The following LIMS2 variants were observed in gnomAD, a reference collection of about 807,000 sequenced individuals.
LIMS2 encodes LIM zinc finger domain containing 2.
A neutral mutation model predicts 45.3 loss-of-function variants in LIMS2; 30 were observed. That is an observed-to-expected ratio of 0.66 (90% CI 0.50 to 0.90). The LOEUF is 0.90. Ranked by LOEUF, LIMS2 falls within the 40% of genes least tolerant of loss-of-function variation. The pLI is 0.00. For missense variants in LIMS2, 485 were observed against 468.7 expected (o/e 1.03, Z -0.32); for synonymous variants, 173 against 188.0 (o/e 0.92, Z 0.65).
At chr2:127,657,706 G>A in intron 1 of LIMS2, 144 bp from the exon 2 acceptor site, 1 of 931,452 alleles carries the variant, frequency 1.1e-6, no homozygotes, top group South Asian at 1.7e-5. Context: ...CTAACCCAGG[G>A]TCCAGGCTGC....
rs35110735 is a variant in LIMS2 at position 127,651,776 on chromosome 2, C to T, written c.359+2648G>A. Reference sequence around the variant, plus strand: ...TGTGAGCGGGGGGCGCCGTCCAGGCCGAGCGCAGACTGTTTAGGACTCAGC... The same window carrying T: ...TGTGAGCGGGGGGCGCCGTCCAGGCTGAGCGCAGACTGTTTAGGACTCAGC... On this transcript the variant is annotated intron_variant, in intron 4 of 9. Coordinates refer to ENST00000355119, the MANE Select transcript of LIMS2 (RefSeq NM_001161403.3). 2.9e-5 allele frequency: 46 copies of T among 1,603,540 alleles called. 1 individual carries two copies. The highest frequency in any genetic ancestry group is 3.4e-4 in the Middle Eastern group (2 of 5,898).
Position 127,675,506 on chromosome 2 carries a change from C to T in LIMS2, c.-482G>A, listed in dbSNP as rs978207594. 6.6e-6 allele frequency among the ~76,000 whole-genome samples: 1 copy of T among 152,010 alleles called. No homozygotes were observed. Among genetic ancestry groups the T allele is most frequent in the Non-Finnish European group, 1.5e-5 (1 of 67,924 alleles). On this transcript the variant is annotated 5_prime_UTR_variant, in exon 1 of 10. Coordinates refer to ENST00000355119, the MANE Select transcript of LIMS2 (RefSeq NM_001161403.3). ...CGGCGGGCGCGGGTCAAGTCCTTCC[C>T]AACCCGGGCTCTGCTCGCCACCTCC...
intron 8 of LIMS2, 23 bp downstream of exon 8, chr2:127,640,247 G>C (rs1269399785): frequency 1.2e-6 from 2 of 1,613,058 alleles, no homozygotes; most frequent in East Asian, 4.5e-5. Flanking sequence ...AGGTGGGGTG[G>C]GGGAGGGAAC....
In LIMS2 at chr2:127,675,185, G is replaced by C; in HGVS notation, c.-161C>G. On this transcript the variant is annotated 5_prime_UTR_variant, in exon 1 of 10. Coordinates refer to ENST00000355119, the MANE Select transcript of LIMS2 (RefSeq NM_001161403.3). ...TCCGCCCGCGAGAGGGGTGGGCGGG[G>C]GTGGCAGGGTGGGGCCCGCGGGGCG... The C allele has an allele frequency of 2.0e-6, 1 of 501,238 alleles. No individual in the cohort carries two copies. Among genetic ancestry groups the C allele is most frequent in the Non-Finnish European group, 3.0e-6 (1 of 328,698 alleles). 31.0% of individuals were successfully genotyped at this position (501,238 alleles called of 1,614,324 possible).
At chr2:127,651,800 G>C in intron 4 of LIMS2, 1 of 1,559,898 alleles carries the variant, frequency 6.4e-7, no homozygotes, top group Non-Finnish European at 8.7e-7. Context: ...TTAGGACTCA[G>C]CAGACCCAGC....
At chr2:127,648,854 G>A (rs1353249308) in intron 4 of LIMS2, among the ~76,000 whole-genome samples, 1 of 150,770 alleles carries the variant, frequency 6.6e-6, no homozygotes, top group African/African-American at 2.4e-5. Context: ...CCTGGAGGTT[G>A]AGGCTGCAGT....
chr2:127,651,388 G>C, intron 4 of LIMS2: 1 of 1,612,762 alleles, frequency 6.2e-7, no homozygotes, highest in Admixed American at 1.7e-5. Context: ...ATCATCCGCA[G>C]CCTGCGGCAG....
At chr2:127,650,313 C>T in intron 4 of LIMS2, 1 of 567,860 alleles carries the variant, frequency 1.8e-6, no homozygotes. Context: ...CACACTGCCC[C>T]CGCCCCTCAC....
chr2:127,643,122 T>C, intron 4 of LIMS2, 50 bp from the exon 5 acceptor site: 3 of 1,529,136 alleles, frequency 2.0e-6, no homozygotes, highest in Non-Finnish European at 2.6e-6. Context: ...CCACACAGCC[T>C]GGCCACCTCC....
intron 1 of LIMS2, among the ~76,000 whole-genome samples, chr2:127,659,894 C>G (rs545368997): frequency 6.6e-6 from 1 of 152,344 alleles, no homozygotes; most frequent in South Asian, 2.1e-4. Context: ...TGTGCTGACC[C>G]TACTCCCACG....
chr2:127,649,086 A>AAAAAGAAAAAAG (rs1290358348), intron 4 of LIMS2, among the ~76,000 whole-genome samples: 16 of 146,904 alleles, frequency 1.1e-4, no homozygotes, highest in Non-Finnish European at 2.0e-4. Flanking sequence ...AAGAAAAGAA[A>AAAAAGAAAAAAG]AAAAGAAAAA....
rs1162625375 is a variant in LIMS2, at chr2:127,654,540, C to T, written c.243G>A (p.Glu81=). 1.9e-6 allele frequency: 3 copies of T among 1,614,016 alleles called. No individual in the cohort carries two copies. The highest frequency in any genetic ancestry group is 2.5e-6 in the Non-Finnish European group (3 of 1,180,010). ...CCTTGATGACGCGGCCAATGATGAACTCACCTGGAAGAAGACAGGTCCCTG... is the reference window on the plus strand; with the variant it reads ...CCTTGATGACGCGGCCAATGATGAATTCACCTGGAAGAAGACAGGTCCCTG... The part of the protein sequence containing the change: ...LFAPCCGSCG[E]FIIGRVIKAM... Residue 81 remains glutamate, a synonymous_variant, in exon 4 of 10, where the codon GAG becomes GAA. Coordinates refer to ENST00000355119, the MANE Select transcript of LIMS2 (RefSeq NM_001161403.3).
rs568680727 is a variant in LIMS2, at chr2:127,666,747, G to A, written c.11+8267C>T. On this transcript the variant is annotated intron_variant, in intron 1 of 9. Transcript: ENST00000355119. Reference sequence around the variant, plus strand: ...GGGAGGACTCAGGAAACTTATAGTCGTGGCAGAAGGCAAAGGGGAATCAAG... The same window carrying A: ...GGGAGGACTCAGGAAACTTATAGTCATGGCAGAAGGCAAAGGGGAATCAAG... Among the ~76,000 whole-genome samples the A allele has an allele frequency of 7.2e-5, 11 of 152,262 alleles. No individual in the cohort carries two copies. In the East Asian group the frequency reaches 9.7e-4, roughly 13 times the overall value.
rs911001112 is a variant in LIMS2 at position 127,649,944 on chromosome 2, A to T, written c.359+4480T>A. 14 of 1,341,618 alleles carry T rather than the reference A, an allele frequency of 1.0e-5. No individual in the cohort carries two copies. The African/African-American group carries it at 1.9e-4, about 18-fold the overall frequency. 83.1% of individuals were successfully genotyped at this position (1,341,618 alleles called of 1,614,324 possible). A position where few individuals can be genotyped will look rare whatever the true frequency, so the allele number is the denominator to read the frequency against. ...GTGGTGGATCTACTCTGGGAGAGAA[A>T]ATACTCCCAGCTGGCCTGATACCCA... On this transcript the variant is annotated intron_variant, in intron 4 of 9. Coordinates refer to ENST00000355119, the MANE Select transcript of LIMS2 (RefSeq NM_001161403.3).
In LIMS2 at chr2:127,671,130, G is replaced by A. The variant is rs2105342914; in HGVS notation, c.11+3884C>T. Among the ~76,000 whole-genome samples the A allele has an allele frequency of 6.6e-6, 1 of 152,248 alleles. No individual in the cohort carries two copies. Among genetic ancestry groups the A allele is most frequent in the South Asian group, 2.1e-4 (1 of 4,820 alleles). ...CCCACCTGGAAGTGAAGACCTAAGG[G>A]ATGGTTAAGCCTGCATGCAGGCTGG... On this transcript the variant is annotated intron_variant, in intron 1 of 9. Coordinates refer to ENST00000355119, the MANE Select transcript of LIMS2 (RefSeq NM_001161403.3). This position sits in a 1 kb window ranked among gnomAD's most constrained non-coding sequence, Gnocchi z 4.1.
rs150310428 is a variant in LIMS2, at chr2:127,672,396, C to G, written c.11+2618G>C. 1.3e-5 allele frequency among the ~76,000 whole-genome samples: 2 copies of G among 152,300 alleles called. No individual in the cohort carries two copies. Among genetic ancestry groups the G allele is most frequent in the Non-Finnish European group, 2.9e-5 (2 of 68,008 alleles). ...CCTTCACTCCCTGCCCAGCTGGCTA[C>G]TCCTGGGCTTCAGCCCCTCCATGCC... On this transcript the variant is annotated intron_variant, in intron 1 of 9. Coordinates refer to ENST00000355119, the MANE Select transcript of LIMS2 (RefSeq NM_001161403.3). This position sits in a 1 kb window ranked among gnomAD's most constrained non-coding sequence, Gnocchi z 4.9.
intron 2 of LIMS2, chr2:127,655,908 GCTCAACAGCCAGCT>G (rs1425625813): frequency 1.3e-5 from 2 of 152,274 alleles, no homozygotes; most frequent in Admixed American, 6.5e-5. Flanking sequence ...TCTGGTAAAT[GCTCAACAGCCAGCT>G]CTCTGGGGCG....
chr2:127,649,264 CGGTG>C (rs1558878654), intron 4 of LIMS2, among the ~76,000 whole-genome samples: 1 of 151,846 alleles, frequency 6.6e-6, no homozygotes, highest in African/African-American at 2.4e-5. Context: ...CCCGGCTGTT[CGGTG>C]CAGAGCCAGG....
chr2:127,668,308 T>G (rs1043467213), intron 1 of LIMS2, among the ~76,000 whole-genome samples: 3 of 151,976 alleles, frequency 2.0e-5, no homozygotes, highest in African/African-American at 7.3e-5. Flanking sequence ...TTTAAAGAAA[T>G]AGACAAGGCA....
Sources: gnomAD v4.1 joint callset for allele counts (sites outside exome capture counted in the v4.1 genomes callset) on GRCh38, gnomAD v4.1.1 for gene constraint, Gnocchi (gnomAD v3.1) non-coding constraint, MANE v1.5 for transcripts, NCBI Gene and HGNC (gene_info 2026-07-23, HGNC 2026-07-21) for gene names.